The following PCDHGB4 variants were observed in gnomAD, a reference collection of about 807,000 sequenced individuals.
The protein encoded by PCDHGB4 is protocadherin gamma subfamily B, 4, also known as protocadherin gamma-B4.
Under a neutral mutation model 60.5 loss-of-function variants are expected in PCDHGB4, and 38 were observed. That is an observed-to-expected ratio of 0.63 (90% CI 0.48 to 0.82). The LOEUF (loss-of-function observed/expected upper bound fraction) is 0.82. Among genes scored for constraint, PCDHGB4 ranks in the 40% least tolerant of loss-of-function variants. The pLI, the probability that PCDHGB4 is intolerant of heterozygous loss-of-function variation, is 0.00. For synonymous variants in PCDHGB4, 456 were observed against 509.7 expected (o/e 0.89, Z 1.42); for missense variants, 1,109 against 1,209.6 (o/e 0.92, Z 1.23).
Position 141,432,044 on chromosome 5 carries a change from A to T in PCDHGB4, c.2397+41763A>T. 6.2e-7 allele frequency: 1 copy of T among 1,613,886 alleles called. No individual in the cohort carries two copies. Among genetic ancestry groups the T allele is most frequent in the Non-Finnish European group, 8.5e-7 (1 of 1,179,922 alleles). ...CACAGTGACCGCCACTGACCGGGGA[A>T]CCCCGCCCCTATCCACGGAAACTCA... On this transcript the variant is annotated intron_variant, in intron 1 of 3. Coordinates refer to ENST00000519479, the MANE Select transcript of PCDHGB4 (RefSeq NM_003736.4). This position sits in a 1 kb window ranked among gnomAD's most constrained non-coding sequence, Gnocchi z 6.0.
chr5:141,431,767 T>G lies in PCDHGB4; in HGVS notation c.2397+41486T>G, dbSNP rs1397063213. On this transcript the variant is annotated intron_variant, in intron 1 of 3. Coordinates refer to ENST00000519479, the MANE Select transcript of PCDHGB4 (RefSeq NM_003736.4). The surrounding 1 kb of genome is among the most constrained non-coding windows in gnomAD (Gnocchi z 4.8). ...CTGCGCGAGCCAAAGTCCTGATCAC[T>G]GTTCTGGACGTGAACGACAATGCCC... The G allele has an allele frequency of 6.2e-7, 1 of 1,614,224 alleles. No individual in the cohort carries two copies.
intron 1 of PCDHGB4, among the ~76,000 whole-genome samples, chr5:141,472,437 G>A (rs1332528325): frequency 6.6e-6 from 1 of 152,116 alleles, no homozygotes; most frequent in Non-Finnish European, 1.5e-5. Flanking sequence ...CTACTAGGGA[G>A]GCTGAGGCAG....
At chr5:141,409,402 C>G (rs2095262140) in intron 1 of PCDHGB4, 2 of 1,613,924 alleles carry the variant, frequency 1.2e-6, no homozygotes, top group Non-Finnish European at 8.5e-7. Context: ...CTTCCAATAA[C>G]TACTACAAAC....
At chr5:141,423,140 C>T (rs760216287) in intron 1 of PCDHGB4, 7 of 1,613,498 alleles carry the variant, frequency 4.3e-6, no homozygotes, top group Non-Finnish European at 2.5e-6. Flanking sequence ...GACAGAGACG[C>T]GCTCAAGCAG....
Position 141,489,900 on chromosome 5 carries a change from A to T in PCDHGB4, c.2398-4907A>T. ...TTACTGCTGTGGATGGGGGGACCCC[A>T]GCCCGCTCAGGGACCACCCTTATCT... On this transcript the variant is annotated intron_variant, in intron 1 of 3. Coordinates refer to ENST00000519479, the MANE Select transcript of PCDHGB4 (RefSeq NM_003736.4). This position sits in a 1 kb window ranked among gnomAD's most constrained non-coding sequence, Gnocchi z 4.5. The T allele has an allele frequency of 6.2e-7, 1 of 1,614,254 alleles. No homozygotes were observed. The highest frequency in any genetic ancestry group is 8.5e-7 in the Non-Finnish European group (1 of 1,180,044).
chr5:141,394,807 C>G (rs943252788), intron 1 of PCDHGB4: 3 of 1,613,886 alleles, frequency 1.9e-6, no homozygotes, highest in African/African-American at 2.7e-5. Context: ...GTAGCCGTGG[C>G]TGACAGCATC....
rs746046310 is a variant in PCDHGB4, at chr5:141,410,427, A to C, written c.2397+20146A>C. The C allele has an allele frequency of 1.9e-6, 3 of 1,613,714 alleles. No homozygotes were observed. The Admixed American group carries it at 5.0e-5, about 27-fold the overall frequency. On this transcript the variant is annotated intron_variant, in intron 1 of 3. Coordinates refer to ENST00000519479, the MANE Select transcript of PCDHGB4 (RefSeq NM_003736.4). ...AAGTCTGGACCTGTAGTTCCCCCCA[A>C]CTACAGTGAGGGGACTTTGCCTTAT...
chr5:141,500,986 A>G (rs1223940696), intron 2 of PCDHGB4, among the ~76,000 whole-genome samples: 1 of 151,656 alleles, frequency 6.6e-6, no homozygotes, highest in East Asian at 1.9e-4. Flanking sequence ...CTCCTGCCTC[A>G]GCCTCCTGAG....
intron 1 of PCDHGB4, among the ~76,000 whole-genome samples, chr5:141,436,538 A>G (rs1353206648): frequency 6.6e-6 from 1 of 152,194 alleles, no homozygotes; most frequent in Admixed American, 6.5e-5. Context: ...CAAGTTATTT[A>G]ATCTCTTTGA....
intron 1 of PCDHGB4, chr5:141,440,535 G>A (rs1305958587): frequency 1.3e-5 from 2 of 152,154 alleles, no homozygotes; most frequent in East Asian, 1.9e-4. Flanking sequence ...CATGCACCAC[G>A]GTTCAGCAGG....
rs755293492 is a variant in PCDHGB4 at position 141,394,003 on chromosome 5, C to A, written c.2397+3722C>A. On this transcript the variant is annotated intron_variant, in intron 1 of 3. Transcript: ENST00000519479. ...AATTTACCTTTTAAATTAGAAAAGT[C>A]AATAGGTAATTATTATAGATTAGTG... The A allele has an allele frequency of 1.9e-6, 3 of 1,613,310 alleles. No homozygotes were observed. The South Asian group carries it at 3.3e-5, about 18-fold the overall frequency.
chr5:141,498,531 G>A (rs1384404653), intron 2 of PCDHGB4, among the ~76,000 whole-genome samples: 3 of 148,544 alleles, frequency 2.0e-5, no homozygotes, highest in Non-Finnish European at 4.4e-5. Context: ...CTGCCCTCCA[G>A]CCTGGTCTGG....
intron 2 of PCDHGB4, among the ~76,000 whole-genome samples, chr5:141,502,723 G>C (rs771399677): frequency 3.9e-5 from 6 of 152,124 alleles, no homozygotes; most frequent in Non-Finnish European, 8.8e-5. Flanking sequence ...TGATTACAAA[G>C]CGGTGATGTT....
rs535739297 is a variant in PCDHGB4, at chr5:141,399,960, G to A, written c.2397+9679G>A. ...ACGTGCTGCAGGCTAGCGAGCCCGG[G>A]CTCTTCAGCCTGGGGCTGCGCACAG... On this transcript the variant is annotated intron_variant, in intron 1 of 3. Transcript: ENST00000519479. 8.1e-6 allele frequency: 13 copies of A among 1,612,214 alleles called. No homozygotes were observed. The African/African-American group carries it at 1.6e-4, about 20-fold the overall frequency.
rs200580042 is a variant in PCDHGB4 at position 141,486,553 on chromosome 5, T to C, written c.2398-8254T>C. 5.4e-5 allele frequency: 87 copies of C among 1,614,028 alleles called. No individual in the cohort carries two copies. The highest frequency in any genetic ancestry group is 7.2e-5 in the Non-Finnish European group (85 of 1,180,046). On this transcript the variant is annotated intron_variant, in intron 1 of 3. Coordinates refer to ENST00000519479, the MANE Select transcript of PCDHGB4 (RefSeq NM_003736.4). The surrounding 1 kb of genome is among the most constrained non-coding windows in gnomAD (Gnocchi z 5.0). ...CACCCTCTTTCTTTCAGAGGTCACA[T>C]GAGGTGTTTGTTCCTGAGAACAATC...
At chr5:141,437,764 A>G (rs1408729040) in intron 1 of PCDHGB4, among the ~76,000 whole-genome samples, 1 of 149,226 alleles carries the variant, frequency 6.7e-6, no homozygotes, top group Non-Finnish European at 1.5e-5. Flanking sequence ...TTTGAGACAG[A>G]GTCTCAATCT....
chr5:141,505,925 C>T (rs1161562658), intron 3 of PCDHGB4, among the ~76,000 whole-genome samples: 4 of 152,140 alleles, frequency 2.6e-5, no homozygotes, highest in Admixed American at 1.3e-4. Context: ...CTGGGCCTGG[C>T]GCTTGGAAGC....
Position 141,432,184 on chromosome 5 carries a change from C to T in PCDHGB4, c.2397+41903C>T, listed in dbSNP as rs774512372. 3.7e-6 allele frequency: 6 copies of T among 1,614,164 alleles called. No homozygotes were observed. The highest frequency in any genetic ancestry group is 2.2e-5 in the South Asian group (2 of 91,080). On this transcript the variant is annotated intron_variant, in intron 1 of 3. Transcript: ENST00000519479. The surrounding 1 kb of genome is among the most constrained non-coding windows in gnomAD (Gnocchi z 6.0). Reference sequence around the variant, plus strand: ...GAGGAGTTTCCCTCGTCTCTGTGACCGCCCACGACCCCGACTGTGAAGAGA... The same window carrying T: ...GAGGAGTTTCCCTCGTCTCTGTGACTGCCCACGACCCCGACTGTGAAGAGA...
In PCDHGB4 at chr5:141,476,760, CG is replaced by C. The variant is rs1325258321; in HGVS notation, c.2398-18045del. The C allele has an allele frequency of 6.2e-7, 1 of 1,613,706 alleles. No individual in the cohort carries two copies. Among genetic ancestry groups the C allele is most frequent in the African/African-American group, 1.3e-5 (1 of 74,930 alleles). On this transcript the variant is annotated intron_variant, in intron 1 of 3. Coordinates refer to ENST00000519479, the MANE Select transcript of PCDHGB4 (RefSeq NM_003736.4). This position sits in a 1 kb window ranked among gnomAD's most constrained non-coding sequence, Gnocchi z 7.6. ...GAGCCTAGTCTCCAGTTAGTGCTGA[CG>C]GCGTTGGACGGAGGGACCCCAGCTC...
Sources: allele counts gnomAD v4.1 joint callset (sites outside exome capture counted in the v4.1 genomes callset), GRCh38; gene constraint gnomAD v4.1.1; non-coding constraint Gnocchi (gnomAD v3.1); transcripts MANE v1.5; gene names NCBI Gene and HGNC (gene_info 2026-07-23, HGNC 2026-07-21).